CFAP20DC: variants seen among roughly 807,000 people sequenced by gnomAD.
CFAP20DC encodes the protein protein CFAP20DC.
A neutral mutation model predicts 101.7 loss-of-function variants in CFAP20DC; 84 were observed. The ratio of observed to expected loss-of-function variants is 0.83; its 90% CI spans 0.69 to 0.99. CFAP20DC has a LOEUF of 0.99. CFAP20DC is among the 50% of genes least tolerant of loss of function. CFAP20DC has a pLI of 0.00. For missense variants in CFAP20DC, 1,007 were observed against 970.3 expected (o/e 1.04, Z -0.50); for synonymous variants, 359 against 351.2 (o/e 1.02, Z -0.25).
chr3:58,840,634 C>T (rs1359688903), intron 13 of CFAP20DC, among the ~76,000 whole-genome samples: 1 of 152,212 alleles, frequency 6.6e-6, no homozygotes, highest in Non-Finnish European at 1.5e-5. Flanking sequence ...CCCTGTAGAA[C>T]AGTACCTGTA....
At chr3:58,953,886 T>TA (rs2090385395) in intron 4 of CFAP20DC, 1 of 152,132 alleles carries the variant, frequency 6.6e-6, no homozygotes, top group Non-Finnish European at 1.5e-5. Context: ...GATTCATTTT[T>TA]AAAAAACACC....
intron 4 of CFAP20DC, among the ~76,000 whole-genome samples, chr3:58,982,568 A>C (rs1559939653): frequency 1.3e-5 from 2 of 152,060 alleles, no homozygotes; most frequent in Non-Finnish European, 2.9e-5. Flanking sequence ...GACATGGATG[A>C]AACTGGAAAC....
At chr3:58,836,749 T>A (rs981920546) in intron 13 of CFAP20DC, among the ~76,000 whole-genome samples, 2 of 152,030 alleles carry the variant, frequency 1.3e-5, no homozygotes. Flanking sequence ...TCGAACAATC[T>A]CCACCTCTGT....
At position 58,866,706 on chromosome 3, in the gene CFAP20DC, T is replaced by C; in HGVS notation, c.1136-18A>G. ...AGAGCTACCTTTATTGAGATAAATA[T>C]TTTCCCTCTATTACTTCTTTTGAAA... On this transcript the variant is annotated intron_variant, in intron 10 of 16. Coordinates refer to ENST00000482387, the MANE Select transcript of CFAP20DC (RefSeq NM_001394063.1). 1 of 1,475,536 alleles carries C rather than the reference T, an allele frequency of 6.8e-7. No individual in the cohort carries two copies. Among genetic ancestry groups the C allele is most frequent in the African/African-American group, 1.4e-5 (1 of 71,380 alleles). The allele number at this position is 1,475,536 out of a possible 1,614,324, so 91.4% of individuals were successfully genotyped here. A position where few individuals can be genotyped will look rare whatever the true frequency, so the allele number is the denominator to read the frequency against.
chr3:58,797,215 C>T (rs1368762268), intron 15 of CFAP20DC, among the ~76,000 whole-genome samples: 1 of 152,186 alleles, frequency 6.6e-6, no homozygotes, highest in East Asian at 1.9e-4. Flanking sequence ...AGGCTGAAAG[C>T]TAGGCCTCTT....
In CFAP20DC at chr3:58,892,474, T is replaced by C. The variant is rs571074285; in HGVS notation, c.551-7765A>G. 1.5e-4 allele frequency among the ~76,000 whole-genome samples: 23 copies of C among 152,366 alleles called. No individual in the cohort carries two copies. The highest frequency in any genetic ancestry group is 5.5e-4 in the African/African-American group (23 of 41,594). The stretch of plus-strand genomic sequence containing the variant: ...ATTCTTCCTATCCATGAGCATGGAA[T>C]GTTTTTCCATTTGTTTGTGTCCTCT... On this transcript the variant is annotated intron_variant, in intron 6 of 16. Transcript: ENST00000482387. The surrounding 1 kb of genome is among the most constrained non-coding windows in gnomAD (Gnocchi z 4.0).
At chr3:58,962,580 T>C (rs1434093263) in intron 4 of CFAP20DC, among the ~76,000 whole-genome samples, 2 of 152,210 alleles carry the variant, frequency 1.3e-5, no homozygotes, top group Non-Finnish European at 2.9e-5. Flanking sequence ...TGTGTTAGCA[T>C]TGCTTGGTGG....
intron 14 of CFAP20DC, among the ~76,000 whole-genome samples, chr3:58,817,281 C>T (rs1482283647): frequency 6.6e-6 from 1 of 152,334 alleles, no homozygotes; most frequent in Non-Finnish European, 1.5e-5. Context: ...CGGAACAAAG[C>T]TGGATGGAGA....
intron 6 of CFAP20DC, among the ~76,000 whole-genome samples, chr3:58,906,823 G>C (rs1212577479): frequency 2.6e-5 from 4 of 152,120 alleles, no homozygotes; most frequent in Non-Finnish European, 5.9e-5. Context: ...AGCTCATCAG[G>C]AGGCTGAGGC....
At chr3:59,031,400 A>T (rs2093992421) in intron 4 of CFAP20DC, among the ~76,000 whole-genome samples, 1 of 151,872 alleles carries the variant, frequency 6.6e-6, no homozygotes, top group Middle Eastern at 3.5e-3. Context: ...AATAAAGTAT[A>T]ATTTACCTTC....
At chr3:58,891,148 T>C (rs2082206269) in intron 6 of CFAP20DC, among the ~76,000 whole-genome samples, 1 of 151,284 alleles carries the variant, frequency 6.6e-6, no homozygotes, top group Admixed American at 6.6e-5. Context: ...GAGCACTGAG[T>C]GAACGAGACT....
chr3:58,760,339 T>C (rs2069431910), intron 15 of CFAP20DC, among the ~76,000 whole-genome samples: 2 of 151,922 alleles, frequency 1.3e-5, no homozygotes, highest in Non-Finnish European at 1.5e-5. Context: ...TCTGTTTGTC[T>C]GTTATTGGTG....
At chr3:59,003,235 A>G (rs2093354791) in intron 4 of CFAP20DC, among the ~76,000 whole-genome samples, 1 of 152,154 alleles carries the variant, frequency 6.6e-6, no homozygotes, top group Admixed American at 6.5e-5. Flanking sequence ...TTTATAAGAC[A>G]ACAGATAGAA....
intron 4 of CFAP20DC, among the ~76,000 whole-genome samples, chr3:58,994,786 A>G (rs2093058547): frequency 6.6e-6 from 1 of 152,128 alleles, no homozygotes; most frequent in African/African-American, 2.4e-5. Context: ...GGAAATAAAA[A>G]AAAAAGAACA....
At chr3:58,778,750 G>A (rs1377285565) in intron 15 of CFAP20DC, among the ~76,000 whole-genome samples, 1 of 152,184 alleles carries the variant, frequency 6.6e-6, no homozygotes, top group Non-Finnish European at 1.5e-5. Context: ...CCACTATTGA[G>A]GTCCGGAGAC....
chr3:58,764,487 G>T (rs1349920667), intron 15 of CFAP20DC, among the ~76,000 whole-genome samples: 3 of 152,144 alleles, frequency 2.0e-5, no homozygotes, highest in Non-Finnish European at 4.4e-5. Flanking sequence ...CGCTTCCCAG[G>T]TGAGGCGATG....
In CFAP20DC at chr3:59,020,498, T is replaced by G. The variant is rs114353602; in HGVS notation, c.278+19059A>C. On this transcript the variant is annotated intron_variant, in intron 4 of 16. Coordinates refer to ENST00000482387, the MANE Select transcript of CFAP20DC (RefSeq NM_001394063.1). ...GTTAAGTTAATAAATTGTGTAATAG[T>G]GGTAATATCCACTTTTAACAGTGCT... is the stretch of plus-strand genomic sequence containing the variant. 4.7e-3 allele frequency among the ~76,000 whole-genome samples: 719 copies of G among 152,154 alleles called. 3 individuals are homozygous for G. Among genetic ancestry groups the G allele is most frequent in the African/African-American group, 0.017 (691 of 41,518 alleles).
At chr3:59,000,941 G>A (rs538999793) in intron 4 of CFAP20DC, among the ~76,000 whole-genome samples, 3 of 152,164 alleles carry the variant, frequency 2.0e-5, no homozygotes, top group South Asian at 2.1e-4. Flanking sequence ...ATCACCCAGT[G>A]AGAAAGTATA....
rs1193980429 is a variant in CFAP20DC at position 58,912,811 on chromosome 3, T to C, written c.550+897A>G. On this transcript the variant is annotated intron_variant, in intron 6 of 16. Transcript: ENST00000482387. The surrounding 1 kb of genome is among the most constrained non-coding windows in gnomAD (Gnocchi z 4.4). ...AATATTTCTAGTCTCTCTAGAAATA[T>C]GAGGAAGAACTCAACTCTTTCCATT... The C allele has an allele frequency of 4.5e-6, 2 of 439,602 alleles. No homozygotes were observed. Among genetic ancestry groups the C allele is most frequent in the Non-Finnish European group, 9.0e-6 (2 of 222,274 alleles). 27.2% of individuals were successfully genotyped at this position (439,602 alleles called of 1,614,324 possible). A position where few individuals can be genotyped will look rare whatever the true frequency, so the allele number is the denominator to read the frequency against.
Sources: allele counts gnomAD v4.1 joint callset (sites outside exome capture counted in the v4.1 genomes callset), GRCh38; gene constraint gnomAD v4.1.1; non-coding constraint Gnocchi (gnomAD v3.1); transcripts MANE v1.5; gene names NCBI Gene and HGNC (gene_info 2026-07-23, HGNC 2026-07-21).